The following RAPGEF2 variants were observed in gnomAD, a reference collection of about 807,000 sequenced individuals.
The protein encoded by RAPGEF2 is Rap guanine nucleotide exchange factor 2.
A neutral mutation model predicts 186.7 loss-of-function variants in RAPGEF2; 54 were observed. The ratio of observed to expected loss-of-function variants is 0.29; its 90% CI spans 0.23 to 0.36. The LOEUF is 0.36. Among genes scored for constraint, RAPGEF2 ranks in the 10% least tolerant of loss-of-function variants. The probability of loss-of-function intolerance (pLI) is 1.00; values close to 1 mark genes in which losing one functional copy is unlikely to be tolerated. For synonymous variants in RAPGEF2, 712 were observed against 705.9 expected, an observed-to-expected ratio of 1.01 and a Z score of -0.14; for missense variants, 1,532 against 2,045.0, an observed-to-expected ratio of 0.75 and a Z score of 4.84.
intron 1 of RAPGEF2, among the ~76,000 whole-genome samples, chr4:159,131,119 A>T (rs1741019112): frequency 6.6e-6 from 1 of 151,204 alleles, no homozygotes; most frequent in Non-Finnish European, 1.5e-5. Flanking sequence ...AGAGAGAGAG[A>T]GAGAGAGAGA....
chr4:159,294,419 C>T (rs915665962), intron 7 of RAPGEF2, among the ~76,000 whole-genome samples: 3 of 152,112 alleles, frequency 2.0e-5, no homozygotes, highest in Non-Finnish European at 4.4e-5. Context: ...CAGGGATTGC[C>T]GCTTCCATAG....
At position 159,355,878 on chromosome 4, in the gene RAPGEF2, G is replaced by GCCCCCCCCCCCCCCCCCCCCCCCAC; in HGVS notation, c.4682_4683insCCCCCCCCCCCCCCCCCCACCCCCC (p.Thr1563ProfsTer20). The stretch of plus-strand genomic sequence containing the variant: ...CACGAAAGGAGGGCAGGTATCGAGA[G>GCCCCCCCCCCCCCCCCCCCCCCCAC]CCCCCGCCCACCCCTCCCGGCTACA... On this transcript the variant is annotated frameshift_variant, in exon 29 of 30. Transcript: ENST00000691494. LOFTEE classifies it high-confidence loss of function. 6.6e-7 allele frequency: 1 copy of GCCCCCCCCCCCCCCCCCCCCCCCAC among 1,515,858 alleles called. No homozygotes were observed. Among genetic ancestry groups the GCCCCCCCCCCCCCCCCCCCCCCCAC allele is most frequent in the Non-Finnish European group, 8.9e-7 (1 of 1,117,994 alleles). 93.9% of individuals were successfully genotyped at this position (1,515,858 alleles called of 1,614,324 possible). A position where few individuals can be genotyped will look rare whatever the true frequency, so the allele number is the denominator to read the frequency against.
rs182839042 is a variant in RAPGEF2, at chr4:159,135,260, C to T, written c.69+31029C>T. 3.2e-3 allele frequency among the ~76,000 whole-genome samples: 492 copies of T among 152,132 alleles called. 3 individuals are homozygous for T. The highest frequency in any genetic ancestry group is 0.011 in the African/African-American group (443 of 41,508). ...GGTGTTTCACCATGTTGCCCAAGCTCGTCTCGAACTTCTGGGCTCAAGCAG... is the reference window on the plus strand; with the variant it reads ...GGTGTTTCACCATGTTGCCCAAGCTTGTCTCGAACTTCTGGGCTCAAGCAG... On this transcript the variant is annotated intron_variant, in intron 1 of 29. Transcript: ENST00000691494.
In RAPGEF2 at chr4:159,341,881, A is replaced by T; in HGVS notation, c.2852A>T (p.His951Leu). 1 of 1,613,862 alleles carries T rather than the reference A, an allele frequency of 6.2e-7. No homozygotes were observed. Residue 951 changes from histidine (H) to leucine (L), a missense_variant, in exon 20 of 30, where the codon CAT becomes CTT. By Grantham distance (99) the His-to-Leu change is moderately conservative (BLOSUM62 -3). Transcript: ENST00000691494. Reference protein sequence around the residue: ...NQLKRMKIIKHFIKIALHCRE... With the variant: ...NQLKRMKIIKLFIKIALHCRE... ...CTGAAGAGGATGAAGATCATTAAGC[A>T]TTTCATCAAGATAGCACTGCACTGT...
At chr4:159,225,229 T>G (rs533440380) in intron 4 of RAPGEF2, among the ~76,000 whole-genome samples, 2 of 152,160 alleles carry the variant, frequency 1.3e-5, no homozygotes, top group Non-Finnish European at 2.9e-5. Flanking sequence ...GGACAGAATT[T>G]GAAAACTTTA....
chr4:159,176,106 T>A (rs975371227), intron 1 of RAPGEF2, among the ~76,000 whole-genome samples: 5 of 152,136 alleles, frequency 3.3e-5, no homozygotes, highest in Non-Finnish European at 7.4e-5. Context: ...CAGTGTTAAA[T>A]GGGGTCTTGG....
At chr4:159,254,300 G>A (rs916697933) in intron 7 of RAPGEF2, among the ~76,000 whole-genome samples, 2 of 152,028 alleles carry the variant, frequency 1.3e-5, no homozygotes, top group African/African-American at 2.4e-5. Context: ...ACCCATTTTT[G>A]CTTTTGCACT....
chr4:159,255,443 T>G (rs771887799), intron 7 of RAPGEF2, among the ~76,000 whole-genome samples: 6 of 152,174 alleles, frequency 3.9e-5, no homozygotes, highest in Non-Finnish European at 8.8e-5. Flanking sequence ...GTGACCAGTT[T>G]CCCTTGTTAC....
At chr4:159,106,684 T>G (rs1028183772) in intron 1 of RAPGEF2, among the ~76,000 whole-genome samples, 1 of 152,196 alleles carries the variant, frequency 6.6e-6, no homozygotes, top group African/African-American at 2.4e-5. Context: ...GGAAAAGAAT[T>G]GGGGAACATA....
At chr4:159,307,147 A>T (rs934182564) in intron 8 of RAPGEF2, among the ~76,000 whole-genome samples, 1 of 152,126 alleles carries the variant, frequency 6.6e-6, no homozygotes, top group Non-Finnish European at 1.5e-5. Flanking sequence ...CTTATTAGGA[A>T]CTGTGGCATG....
At chr4:159,119,913 G>A (rs1281223352) in intron 1 of RAPGEF2, among the ~76,000 whole-genome samples, 2 of 151,904 alleles carry the variant, frequency 1.3e-5, no homozygotes, top group African/African-American at 2.4e-5. Flanking sequence ...TCATTTTTTT[G>A]GGTGCTCCAA....
chr4:159,210,674 T>C (rs868658875), intron 4 of RAPGEF2, 91 bp downstream of exon 4: 2 of 932,538 alleles, frequency 2.1e-6, no homozygotes, highest in African/African-American at 1.6e-5. Context: ...CTTCCTGTGT[T>C]CTCTTCTGCT....
At chr4:159,332,970 T>TTATG in intron 17 of RAPGEF2, 1 of 161,690 alleles carries the variant, frequency 6.2e-6, no homozygotes, top group South Asian at 2.0e-4. Context: ...TTTTTAATTT[T>TTATG]TATTTATTTA....
intron 4 of RAPGEF2, among the ~76,000 whole-genome samples, chr4:159,211,543 G>T (rs1244351016): frequency 6.6e-6 from 1 of 152,174 alleles, no homozygotes; most frequent in East Asian, 1.9e-4. Context: ...GACTGGGTCA[G>T]GGTCATATTA....
chr4:159,288,409 G>A (rs1416705603), intron 7 of RAPGEF2, among the ~76,000 whole-genome samples: 1 of 152,012 alleles, frequency 6.6e-6, no homozygotes, highest in Non-Finnish European at 1.5e-5. Flanking sequence ...TGAATACAGA[G>A]GCTTCTCTAA....
intron 1 of RAPGEF2, among the ~76,000 whole-genome samples, chr4:159,185,604 T>C (rs1747477727): frequency 1.3e-5 from 2 of 152,186 alleles, no homozygotes; most frequent in African/African-American, 2.4e-5. Flanking sequence ...TTACACGAAA[T>C]GTCCAGAATA....
At chr4:159,135,541 T>A (rs1309209822) in intron 1 of RAPGEF2, among the ~76,000 whole-genome samples, 1 of 152,226 alleles carries the variant, frequency 6.6e-6, no homozygotes, top group Non-Finnish European at 1.5e-5. Context: ...ATATATTTAC[T>A]TACTATCCAT....
chr4:159,215,642 T>G (rs1353745877), intron 4 of RAPGEF2, among the ~76,000 whole-genome samples: 1 of 152,216 alleles, frequency 6.6e-6, no homozygotes, highest in Non-Finnish European at 1.5e-5. Context: ...ATAGAAATAG[T>G]CATGTGTACC....
chr4:159,329,225 A>C (rs1766336507), intron 11 of RAPGEF2: 1 of 152,076 alleles, frequency 6.6e-6, no homozygotes, highest in Non-Finnish European at 1.5e-5. Flanking sequence ...GGGGTCAGGG[A>C]GAGTAATGAC....
Sources: gnomAD v4.1 joint callset for allele counts (sites outside exome capture counted in the v4.1 genomes callset) on GRCh38, gnomAD v4.1.1 for gene constraint, MANE v1.5 for transcripts, NCBI Gene and HGNC (gene_info 2026-07-23, HGNC 2026-07-21) for gene names.